Variants in SIPA1L1 observed in about 807,000 individuals in gnomAD.
SIPA1L1 encodes signal induced proliferation associated 1 like 1, also known as signal-induced proliferation-associated 1-like protein 1.
Under a neutral mutation model 162.7 loss-of-function variants are expected in SIPA1L1, and 26 were observed. The ratio of observed to expected loss-of-function variants is 0.16; its 90% CI spans 0.12 to 0.22. SIPA1L1 has a LOEUF of 0.22. Among genes scored for constraint, SIPA1L1 ranks in the 10% least tolerant of loss-of-function variants. The pLI, the probability that SIPA1L1 is intolerant of heterozygous loss-of-function variation, is 1.00. For missense variants in SIPA1L1, 1,874 were observed against 2,241.0 expected (o/e 0.84, Z 3.31); for synonymous variants, 829 against 837.4 (o/e 0.99, Z 0.17).
At position 71,569,833 on chromosome 14, in the gene SIPA1L1, C is replaced by T. The variant is rs538452157; in HGVS notation, c.-302-17738C>T. Among the ~76,000 whole-genome samples the T allele has an allele frequency of 6.6e-5, 10 of 152,342 alleles. No homozygotes were observed. In the South Asian group the frequency reaches 1.2e-3, roughly 19 times the overall value. On this transcript the variant is annotated intron_variant, in intron 4 of 23. Coordinates refer to ENST00000381232, the MANE Select transcript of SIPA1L1 (RefSeq NM_001386936.1). ...TGAGGTTGTCAGTGTGCAGCATTGGCACTGCTTCTGCCACCACCTTCCATG... is the reference window on the plus strand; with the variant it reads ...TGAGGTTGTCAGTGTGCAGCATTGGTACTGCTTCTGCCACCACCTTCCATG...
At chr14:71,353,002 T>C (rs954983155) in intron 2 of SIPA1L1, among the ~76,000 whole-genome samples, 1 of 152,226 alleles carries the variant, frequency 6.6e-6, no homozygotes, top group African/African-American at 2.4e-5. Flanking sequence ...TGTATTTTCA[T>C]TGTGTTGTGG....
chr14:71,721,268 GTC>G (rs150745581), intron 17 of SIPA1L1, among the ~76,000 whole-genome samples: 13,550 of 151,534 alleles, frequency 0.089, 700 homozygotes, highest in African/African-American at 0.13. Flanking sequence ...GCTAGGCAAT[GTC>G]TCTCTCTCTC....
At chr14:71,707,323 G>A (rs2082524458) in intron 16 of SIPA1L1, among the ~76,000 whole-genome samples, 1 of 152,118 alleles carries the variant, frequency 6.6e-6, no homozygotes, top group Non-Finnish European at 1.5e-5. Context: ...AGTTCTATAT[G>A]TTTTTTAAAT....
intron 2 of SIPA1L1, among the ~76,000 whole-genome samples, chr14:71,396,096 C>T (rs561034129): frequency 1.7e-4 from 26 of 152,128 alleles, no homozygotes; most frequent in Non-Finnish European, 3.5e-4. Context: ...TCAGGATCTC[C>T]TTCTGTATGC....
chr14:71,583,190 C>T (rs1372399315), intron 4 of SIPA1L1, among the ~76,000 whole-genome samples: 2 of 152,094 alleles, frequency 1.3e-5, no homozygotes, highest in African/African-American at 2.4e-5. Flanking sequence ...TGGGTATTAC[C>T]ATGTTACCTA....
chr14:71,467,390 A>C (rs778923115), intron 2 of SIPA1L1: 2 of 152,228 alleles, frequency 1.3e-5, no homozygotes, highest in African/African-American at 2.4e-5. Context: ...ATGAGATGAT[A>C]CTTACATTCT....
intron 2 of SIPA1L1, among the ~76,000 whole-genome samples, chr14:71,490,567 T>C (rs2049161525): frequency 6.6e-6 from 1 of 152,242 alleles, no homozygotes; most frequent in South Asian, 2.1e-4. Context: ...CATGTTATTA[T>C]AATAATTGAT....
At chr14:71,430,973 A>G (rs1443103264) in intron 2 of SIPA1L1, among the ~76,000 whole-genome samples, 3 of 152,206 alleles carry the variant, frequency 2.0e-5, no homozygotes, top group Non-Finnish European at 4.4e-5. Flanking sequence ...AAGGTCCTAT[A>G]TAGATATACA....
intron 5 of SIPA1L1, among the ~76,000 whole-genome samples, chr14:71,598,997 C>T (rs145826994): frequency 1.4e-3 from 209 of 152,242 alleles, no homozygotes; most frequent in Non-Finnish European, 2.5e-3. Flanking sequence ...TCTATCGTTA[C>T]ACTCTCTACC....
At chr14:71,330,650 T>C (rs1566895432) in intron 2 of SIPA1L1, 1 of 889,778 alleles carries the variant, frequency 1.1e-6, no homozygotes, top group African/African-American at 1.6e-5. Flanking sequence ...AACTCATTGT[T>C]GTAGTCTGGG....
intron 2 of SIPA1L1, among the ~76,000 whole-genome samples, chr14:71,338,504 T>C (rs1475025018): frequency 1.3e-5 from 2 of 152,116 alleles, no homozygotes; most frequent in African/African-American, 2.4e-5. Flanking sequence ...ACAGGGTCAT[T>C]GTAAAGGGCG....
chr14:71,686,151 C>T (rs559758048), intron 13 of SIPA1L1, among the ~76,000 whole-genome samples: 11 of 152,228 alleles, frequency 7.2e-5, no homozygotes, highest in African/African-American at 2.4e-4. Flanking sequence ...GAAGAGAAGA[C>T]GATACGTGGA....
At chr14:71,445,420 T>C (rs918847510) in intron 2 of SIPA1L1, among the ~76,000 whole-genome samples, 1 of 152,222 alleles carries the variant, frequency 6.6e-6, no homozygotes, top group Non-Finnish European at 1.5e-5. Flanking sequence ...GGAATTTTAT[T>C]TTAAAATAAA....
chr14:71,380,731 A>G (rs1202204280), intron 2 of SIPA1L1, among the ~76,000 whole-genome samples: 1 of 152,218 alleles, frequency 6.6e-6, no homozygotes, highest in Non-Finnish European at 1.5e-5. Flanking sequence ...CAAGTAGAGT[A>G]GGGATACAAT....
At chr14:71,446,024 T>A (rs946511484) in intron 2 of SIPA1L1, among the ~76,000 whole-genome samples, 5 of 152,104 alleles carry the variant, frequency 3.3e-5, no homozygotes, top group Non-Finnish European at 7.4e-5. Flanking sequence ...AATTTTGTTA[T>A]TTTTGTAGAA....
intron 2 of SIPA1L1, among the ~76,000 whole-genome samples, chr14:71,475,736 G>T (rs943482105): frequency 1.3e-5 from 2 of 152,152 alleles, no homozygotes; most frequent in African/African-American, 2.4e-5. Flanking sequence ...ATGTACATAG[G>T]ACACAGCTGA....
At chr14:71,653,679 A>G (rs1395860727) in intron 8 of SIPA1L1, among the ~76,000 whole-genome samples, 2 of 152,168 alleles carry the variant, frequency 1.3e-5, no homozygotes, top group Admixed American at 6.5e-5. Flanking sequence ...TTCAGCTATT[A>G]TATCATTTTT....
intron 2 of SIPA1L1, among the ~76,000 whole-genome samples, chr14:71,351,939 A>C (rs1207474330): frequency 6.6e-6 from 1 of 151,320 alleles, no homozygotes; most frequent in Non-Finnish European, 1.5e-5. Flanking sequence ...GGATGGAGCC[A>C]GACAGTAAAC....
intron 14 of SIPA1L1, 112 bp downstream of exon 14, chr14:71,699,239 C>T: frequency 1.9e-6 from 2 of 1,051,616 alleles, no homozygotes; most frequent in East Asian, 4.8e-5. Flanking sequence ...AATTTGTAGA[C>T]AAACAAAAGA....
Sources: gnomAD v4.1 joint callset for allele counts (sites outside exome capture counted in the v4.1 genomes callset) on GRCh38, gnomAD v4.1.1 for gene constraint, MANE v1.5 for transcripts, NCBI Gene and HGNC (gene_info 2026-07-23, HGNC 2026-07-21) for gene names.